The following CTNNA1 variants were observed in gnomAD, a reference collection of about 807,000 sequenced individuals.
CTNNA1 encodes catenin alpha-1.
A neutral mutation model predicts 98.4 loss-of-function variants in CTNNA1; 37 were observed. That is an observed-to-expected ratio of 0.38 (90% CI 0.29 to 0.49). CTNNA1 has a LOEUF of 0.49. Ranked by LOEUF, CTNNA1 falls within the 20% of genes least tolerant of loss-of-function variation. The probability of loss-of-function intolerance (pLI) is 0.95; values close to 1 mark genes in which losing one functional copy is unlikely to be tolerated. For missense variants in CTNNA1, 761 were observed against 1,147.2 expected, an observed-to-expected ratio of 0.66 and a Z score of 4.86; for synonymous variants, 404 against 413.2, an observed-to-expected ratio of 0.98 and a Z score of 0.27.
At chr5:138,765,097 A>G (rs910696594) in intron 1 of CTNNA1, among the ~76,000 whole-genome samples, 3 of 150,956 alleles carry the variant, frequency 2.0e-5, no homozygotes, top group South Asian at 2.1e-4. Context: ...TTGGAGTGCA[A>G]TGGCATGATC....
In CTNNA1 at chr5:138,925,363, T is replaced by C. The variant is rs1763792661; in HGVS notation, c.1855T>C (p.Tyr619His). The C allele has an allele frequency of 5.0e-6, 8 of 1,614,224 alleles. No homozygotes were observed. The highest frequency in any genetic ancestry group is 6.8e-6 in the Non-Finnish European group (8 of 1,180,046). ...NEFIDASRLV[Y>H]DGIRDIRKAV... is the part of the protein sequence containing the mutation. ...GTTTATCGATGCTTCCCGCCTGGTA[T>C]ATGATGGCATCCGGGACATCAGGAA... Residue 619 changes from tyrosine to histidine, a missense_variant, in exon 13 of 18, where the codon TAT (tyrosine) becomes CAT (histidine). This residue lies in a region of CTNNA1 where 287 missense variants were observed against 436.0 expected (regional missense o/e 0.66). Transcript: ENST00000302763.
chr5:138,864,954 C>T (rs1162169311), intron 7 of CTNNA1, among the ~76,000 whole-genome samples: 8 of 152,038 alleles, frequency 5.3e-5, no homozygotes, highest in African/African-American at 1.7e-4. Context: ...GCTGGGATTA[C>T]AGGTGCTCGC....
intron 3 of CTNNA1, among the ~76,000 whole-genome samples, chr5:138,807,323 T>C (rs867561759): frequency 5.9e-5 from 9 of 151,834 alleles, no homozygotes; most frequent in Non-Finnish European, 1.0e-4. Context: ...TGGACATTAT[T>C]ATGTTACTGT....
chr5:138,848,259 TGCA>T (rs1762900551), intron 7 of CTNNA1, among the ~76,000 whole-genome samples: 1 of 152,280 alleles, frequency 6.6e-6, no homozygotes, highest in Non-Finnish European at 1.5e-5. Context: ...ATGGTGCCTA[TGCA>T]CCCATCATGG....
chr5:138,925,317 C>T lies in CTNNA1; in HGVS notation c.1809C>T (p.Ala603=). 1.2e-6 allele frequency: 2 copies of T among 1,614,106 alleles called. No homozygotes were observed. Among genetic ancestry groups the T allele is most frequent in the Non-Finnish European group, 1.7e-6 (2 of 1,180,034 alleles). ...AAVEALSSDP[A]QPMDENEFID... ...TGGAAGCCCTCAGCTCGGACCCTGC[C>T]CAGCCCATGGATGAGAATGAGTTTA... Residue 603 remains alanine, a synonymous_variant, in exon 13 of 18, where the codon GCC becomes GCT. Coordinates refer to ENST00000302763, the MANE Select transcript of CTNNA1 (RefSeq NM_001903.5).
At chr5:138,912,800 T>A (rs944096923) in intron 10 of CTNNA1, among the ~76,000 whole-genome samples, 2 of 152,376 alleles carry the variant, frequency 1.3e-5, no homozygotes, top group African/African-American at 4.8e-5. Flanking sequence ...ATAGCTGTTT[T>A]CTCATCATTT....
intron 3 of CTNNA1, among the ~76,000 whole-genome samples, chr5:138,790,352 A>C (rs1446249253): frequency 6.6e-6 from 1 of 152,220 alleles, no homozygotes; most frequent in Non-Finnish European, 1.5e-5. Flanking sequence ...TGCTGCTAAG[A>C]ACCTGTGTTC....
At chr5:138,851,620 G>A (rs779651558) in intron 7 of CTNNA1, among the ~76,000 whole-genome samples, 4 of 151,512 alleles carry the variant, frequency 2.6e-5, no homozygotes, top group East Asian at 1.9e-4. Context: ...TTAGCTGGGC[G>A]CGGTGGCATA....
chr5:138,779,146 T>C (rs536974728), intron 1 of CTNNA1, among the ~76,000 whole-genome samples: 2 of 152,302 alleles, frequency 1.3e-5, no homozygotes, highest in South Asian at 2.1e-4. Flanking sequence ...CCCTAAGTGC[T>C]GGAATTACAA....
intron 1 of CTNNA1, chr5:138,753,813 C>A (rs1409807154): frequency 4.3e-6 from 1 of 230,810 alleles, no homozygotes; most frequent in Non-Finnish European, 8.4e-6. Context: ...GGCCCAGCGC[C>A]GCCGCCGCGT....
intron 16 of CTNNA1, chr5:138,932,041 TC>T (rs1486378637): frequency 2.0e-6 from 2 of 985,476 alleles, no homozygotes; most frequent in African/African-American, 3.5e-5. Flanking sequence ...CTGCTTTTTT[TC>T]TTGCTTTACT....
chr5:138,917,909 G>A lies in CTNNA1; in HGVS notation c.1546+11G>A, dbSNP rs762106904. ...TCTTGGCTGTCTCAGGTAATGAGCT[G>A]GTTCCCCAGAGAAGTATGTGAAGAT... On this transcript the variant is annotated intron_variant, in intron 11 of 17. Coordinates refer to ENST00000302763, the MANE Select transcript of CTNNA1 (RefSeq NM_001903.5). The A allele has an allele frequency of 2.5e-6, 4 of 1,612,452 alleles. No homozygotes were observed. The highest frequency in any genetic ancestry group is 3.3e-5 in the Admixed American group (2 of 59,920).
intron 13 of CTNNA1, among the ~76,000 whole-genome samples, chr5:138,926,879 A>G (rs1764177654): frequency 3.3e-5 from 5 of 151,804 alleles, no homozygotes; most frequent in Admixed American, 3.3e-4. Context: ...TAAGTTCCAC[A>G]CCTGTCTGCG....
intron 7 of CTNNA1, among the ~76,000 whole-genome samples, chr5:138,881,438 T>C (rs143276360): frequency 0.011 from 1,693 of 152,336 alleles, 26 homozygotes; most frequent in African/African-American, 0.039. Context: ...ATATGTTGTA[T>C]GACACTGTGT....
At chr5:138,827,792 A>G (rs1760868233) in intron 7 of CTNNA1, 74 bp downstream of exon 7, 7 of 1,560,440 alleles carry the variant, frequency 4.5e-6, no homozygotes, top group Non-Finnish European at 4.4e-6. Flanking sequence ...TGGATCTGAG[A>G]TGTTTTCACT....
At chr5:138,907,925 T>C (rs1759633464) in intron 10 of CTNNA1, among the ~76,000 whole-genome samples, 1 of 152,002 alleles carries the variant, frequency 6.6e-6, no homozygotes, top group African/African-American at 2.4e-5. Flanking sequence ...AAATGACAGG[T>C]GGGACCATTA....
At chr5:138,901,256 C>G (rs1271020350) in intron 9 of CTNNA1, among the ~76,000 whole-genome samples, 1 of 152,102 alleles carries the variant, frequency 6.6e-6, no homozygotes, top group Non-Finnish European at 1.5e-5. Flanking sequence ...CTCCTGAGTT[C>G]AAGCAATTCT....
intron 7 of CTNNA1, among the ~76,000 whole-genome samples, chr5:138,857,629 C>T (rs1275048690): frequency 6.6e-6 from 1 of 152,096 alleles, no homozygotes; most frequent in Non-Finnish European, 1.5e-5. Flanking sequence ...AAGTGCCTTC[C>T]TATTTTCTAA....
chr5:138,885,152 A>C (rs1409499964), intron 7 of CTNNA1, among the ~76,000 whole-genome samples: 1 of 152,216 alleles, frequency 6.6e-6, no homozygotes, highest in Admixed American at 6.5e-5. Context: ...ATAAGAGATA[A>C]AGTGAATAAC....
Sources: gnomAD v4.1 joint callset for allele counts (sites outside exome capture counted in the v4.1 genomes callset) on GRCh38, gnomAD v4.1.1 for gene constraint, gnomAD v4.1.1 regional missense constraint, MANE v1.5 for transcripts, NCBI Gene and HGNC (gene_info 2026-07-23, HGNC 2026-07-21) for gene names.